DAB1: variants seen among roughly 807,000 people sequenced by gnomAD.
DAB1 encodes the protein disabled homolog 1.
DAB1 carries 15 observed loss-of-function variants against 64.6 expected under a neutral mutation model. The ratio of observed to expected loss-of-function variants is 0.23; its 90% CI spans 0.16 to 0.36. The LOEUF is 0.36. Ranked by LOEUF, DAB1 falls within the 10% of genes least tolerant of loss-of-function variation. DAB1 has a pLI of 1.00. For synonymous variants in DAB1, 235 were observed against 251.9 expected (o/e 0.93, Z 0.64); for missense variants, 596 against 706.7 (o/e 0.84, Z 1.78).
At chr1:58,031,989 C>CGTGTGTGTGTGTGTGT (rs59449665) in intron 5 of DAB1, among the ~76,000 whole-genome samples, 10 of 141,980 alleles carry the variant, frequency 7.0e-5, no homozygotes, top group African/African-American at 2.1e-4. Context: ...CTGATAGAAA[C>CGTGTGTGTGTGTGTGT]GTGTGTGTGT....
chr1:58,229,829 A>C (rs1659693298), intron 4 of DAB1, among the ~76,000 whole-genome samples: 1 of 152,186 alleles, frequency 6.6e-6, no homozygotes, highest in African/African-American at 2.4e-5. Context: ...AATTCACAAC[A>C]AAGCTTGCTC....
At chr1:57,685,739 A>G (rs1158675891) in intron 6 of DAB1, among the ~76,000 whole-genome samples, 2 of 151,920 alleles carry the variant, frequency 1.3e-5, no homozygotes, top group African/African-American at 4.8e-5. Context: ...TAAAAACAGA[A>G]ATCAGTATCA....
At chr1:58,158,853 C>T (rs1218324382) in intron 4 of DAB1, among the ~76,000 whole-genome samples, 1 of 150,296 alleles carries the variant, frequency 6.7e-6, no homozygotes, top group East Asian at 2.0e-4. Context: ...CAAGGAGAGT[C>T]GAATCTACAC....
intron 7 of DAB1, among the ~76,000 whole-genome samples, chr1:57,576,732 A>G (rs1645253877): frequency 6.6e-6 from 1 of 152,232 alleles, no homozygotes; most frequent in African/African-American, 2.4e-5. Context: ...GGTGATATAT[A>G]CTGCCTACAG....
chr1:57,759,170 A>G (rs999137086), intron 6 of DAB1, among the ~76,000 whole-genome samples: 1 of 152,294 alleles, frequency 6.6e-6, no homozygotes, highest in Admixed American at 6.5e-5. Flanking sequence ...CAGTTTCATC[A>G]TATTTCTTCC....
At chr1:57,580,345 C>A (rs1645298701) in intron 7 of DAB1, among the ~76,000 whole-genome samples, 1 of 152,126 alleles carries the variant, frequency 6.6e-6, no homozygotes, top group Non-Finnish European at 1.5e-5. Context: ...AGCTTCCTGC[C>A]TTACCAGGCA....
intron 4 of DAB1, among the ~76,000 whole-genome samples, chr1:58,264,657 G>T (rs1261745502): frequency 2.0e-5 from 3 of 152,206 alleles, no homozygotes; most frequent in African/African-American, 7.2e-5. Context: ...AAGAAATGAG[G>T]AAGTGGTGAA....
chr1:58,348,021 A>C (rs4912330), intron 3 of DAB1, among the ~76,000 whole-genome samples: 76,653 of 151,952 alleles, frequency 0.5, 19,317 homozygotes, highest in East Asian at 0.59. Flanking sequence ...GCATTGCCTC[A>C]TCTCTTTGTA....
At chr1:57,116,429 T>C (rs1485331626) in intron 4 of DAB1, among the ~76,000 whole-genome samples, 1 of 115,354 alleles carries the variant, frequency 8.7e-6, no homozygotes, top group African/African-American at 3.5e-5. Flanking sequence ...GCCATTGCAC[T>C]CCAGCCTGGG....
intron 5 of DAB1, among the ~76,000 whole-genome samples, chr1:58,120,855 C>T (rs1050752955): frequency 6.6e-6 from 1 of 152,166 alleles, no homozygotes; most frequent in African/African-American, 2.4e-5. Context: ...TTTGGAGAAG[C>T]AGGAGCCAGG....
At chr1:57,053,694 T>TA (rs1007612076) in intron 9 of DAB1, among the ~76,000 whole-genome samples, 2 of 125,188 alleles carry the variant, frequency 1.6e-5, no homozygotes, top group African/African-American at 6.2e-5. Flanking sequence ...ATATATTTTT[T>TA]TTTTTTTTTT....
chr1:57,940,196 C>A (rs1375843096), intron 5 of DAB1, among the ~76,000 whole-genome samples: 1 of 152,174 alleles, frequency 6.6e-6, no homozygotes, highest in Non-Finnish European at 1.5e-5. Context: ...ACAGGTCCTC[C>A]TAAGCCCAGG....
intron 5 of DAB1, among the ~76,000 whole-genome samples, chr1:58,074,592 A>ATATATATATATATATATC (rs1557639086): frequency 9.2e-6 from 1 of 108,398 alleles, no homozygotes; most frequent in Non-Finnish European, 2.0e-5. Flanking sequence ...ATATATATAT[A>ATATATATATATATATATC]TATTTGAGAA....
At chr1:57,286,277 C>T (rs1672308115) in intron 2 of DAB1, among the ~76,000 whole-genome samples, 1 of 152,084 alleles carries the variant, frequency 6.6e-6, no homozygotes, top group African/African-American at 2.4e-5. Flanking sequence ...CTCTTTCTCA[C>T]AATAGATGAC....
At chr1:57,663,964 G>A (rs4244011) in intron 6 of DAB1, among the ~76,000 whole-genome samples, 50,144 of 152,008 alleles carry the variant, frequency 0.33, 8,609 homozygotes, top group Non-Finnish European at 0.38. Flanking sequence ...TGAAGTCTTA[G>A]GGTTTATAAG....
intron 1 of DAB1, among the ~76,000 whole-genome samples, chr1:58,529,878 T>TTTTTAA (rs1646407154): frequency 6.6e-6 from 1 of 152,050 alleles, no homozygotes; most frequent in Non-Finnish European, 1.5e-5. Flanking sequence ...CATGCTTTTA[T>TTTTTAA]TTTTATTTTT....
rs908125620 is a variant in DAB1 at position 58,143,312 on chromosome 1, A to G, written n.387+7199T>C. Among the ~76,000 whole-genome samples the G allele has an allele frequency of 3.9e-5, 6 of 152,206 alleles. No individual in the cohort carries two copies. The East Asian group carries it at 5.8e-4, about 15-fold the overall frequency. On this transcript the variant is annotated intron_variant and non_coding_transcript_variant, in intron 5 of 20. Coordinates refer to the DAB1 transcript ENST00000485760. The stretch of plus-strand genomic sequence containing the variant: ...AGATGCCTAAAGAAGCACCCACTCA[A>G]TAATGGAGATGAGGGATATATACAC...
At chr1:57,437,450 A>G (rs557017670) in intron 7 of DAB1, among the ~76,000 whole-genome samples, 62 of 152,242 alleles carry the variant, frequency 4.1e-4, no homozygotes, top group Non-Finnish European at 8.7e-4. Context: ...TTGAATTGTA[A>G]TATGAATGCA....
chr1:57,261,634 AT>A (rs913223450), intron 2 of DAB1, among the ~76,000 whole-genome samples: 26 of 152,304 alleles, frequency 1.7e-4, no homozygotes, highest in African/African-American at 6.3e-4. Flanking sequence ...TGCCAAAAGC[AT>A]CACTCAGCTC....
Sources: gnomAD v4.1 joint callset for allele counts (sites outside exome capture counted in the v4.1 genomes callset) on GRCh38, gnomAD v4.1.1 for gene constraint, MANE v1.5 for transcripts, NCBI Gene and HGNC (gene_info 2026-07-23, HGNC 2026-07-21) for gene names.